Variants in BLTP1 observed in about 807,000 individuals in gnomAD.
BLTP1 encodes the protein bridge-like lipid transfer protein family member 1.
chr4:122,230,023 G>A, the BLTP1 span: 5 of 1,614,138 alleles, frequency 3.1e-6, no homozygotes, highest in Non-Finnish European at 4.2e-6. Context: ...AAGTGAGACA[G>A]TACATTGAGC....
chr4:122,199,214 C>G, the BLTP1 span: 1 of 1,051,054 alleles, frequency 9.5e-7, no homozygotes, highest in South Asian at 2.0e-5. Flanking sequence ...TTAGCAAGCT[C>G]CCTGTCACTG....
the BLTP1 span, among the ~76,000 whole-genome samples, chr4:122,218,050 G>A: frequency 2.0e-5 from 3 of 151,924 alleles, no homozygotes; most frequent in African/African-American, 7.2e-5. Flanking sequence ...CTGTGGTATC[G>A]GTTATAATAT....
the BLTP1 span, chr4:122,234,631 A>C: frequency 2.1e-6 from 2 of 963,708 alleles, no homozygotes; most frequent in Non-Finnish European, 3.0e-6. Context: ...CACAGTGGGA[A>C]TAAACCTTTG....
At chr4:122,198,391 T>C in the BLTP1 span, 3 of 985,348 alleles carry the variant, frequency 3.0e-6, no homozygotes, top group African/African-American at 3.5e-5. Context: ...GCCATACATC[T>C]TTTACAGGTG....
chr4:122,269,413 G>A, the BLTP1 span: 4 of 985,220 alleles, frequency 4.1e-6, no homozygotes, highest in South Asian at 1.9e-4. Flanking sequence ...GAGTGATTCT[G>A]TGAACTTCAT....
chr4:122,337,083 A>C, the BLTP1 span: 1 of 1,395,200 alleles, frequency 7.2e-7, no homozygotes, highest in Non-Finnish European at 1.0e-6. Flanking sequence ...GTTTATTTGA[A>C]CATTTCAACA....
the BLTP1 span, chr4:122,324,308 A>T: frequency 1.0e-6 from 1 of 1,004,946 alleles, no homozygotes; most frequent in African/African-American, 1.7e-5. Flanking sequence ...ATTGTTAAGT[A>T]ACATTAAAGT....
the BLTP1 span, chr4:122,343,614 T>A: frequency 6.2e-7 from 1 of 1,613,334 alleles, no homozygotes; most frequent in Non-Finnish European, 8.5e-7. Flanking sequence ...GGATTAGGTA[T>A]ACTTTGCATG....
At chr4:122,207,867 T>G in the BLTP1 span, 2 of 982,810 alleles carry the variant, frequency 2.0e-6, no homozygotes, top group African/African-American at 3.5e-5. Flanking sequence ...GATTATTTTC[T>G]TAGAGTTCAT....
chr4:122,279,444 C>T, the BLTP1 span, among the ~76,000 whole-genome samples: 4 of 152,200 alleles, frequency 2.6e-5, no homozygotes, highest in African/African-American at 7.2e-5. Context: ...TGCTATAATT[C>T]GCCCAAACTT....
At chr4:122,223,212 A>G in the BLTP1 span, 3 of 922,024 alleles carry the variant, frequency 3.3e-6, no homozygotes, top group Non-Finnish European at 3.9e-6. Flanking sequence ...TTTTAAAAAA[A>G]GTTTCTTATG....
At chr4:122,205,888 G>A in the BLTP1 span, 2 of 941,174 alleles carry the variant, frequency 2.1e-6, no homozygotes, top group Non-Finnish European at 2.5e-6. Context: ...ACACCTCTAG[G>A]AGGAGCCCTT....
the BLTP1 span, chr4:122,175,373 TGAAG>T: frequency 1.8e-6 from 1 of 566,646 alleles, no homozygotes; most frequent in African/African-American, 2.1e-5. Flanking sequence ...TTATGAGAAA[TGAAG>T]GAACATCCTT....
chr4:122,246,328 C>T, the BLTP1 span: 8 of 1,513,620 alleles, frequency 5.3e-6, no homozygotes, highest in African/African-American at 1.1e-4. Flanking sequence ...AAATTTTTTC[C>T]TGAAAGAGGA....
At chr4:122,289,298 T>A in the BLTP1 span, 1 of 859,280 alleles carries the variant, frequency 1.2e-6, no homozygotes, top group Non-Finnish European at 1.7e-6. Flanking sequence ...CATTTGGATA[T>A]AGTTGTCAAA....
chr4:122,184,825 A>C, the BLTP1 span: 1 of 985,380 alleles, frequency 1.0e-6, no homozygotes, highest in African/African-American at 1.7e-5. Context: ...TGTATGACAA[A>C]ACTTAGCCTT....
At chr4:122,200,759 C>T in the BLTP1 span, 3 of 918,984 alleles carry the variant, frequency 3.3e-6, no homozygotes, top group South Asian at 1.5e-4. Context: ...GCAGTATCAA[C>T]ACTGTAGCCT....
the BLTP1 span, chr4:122,167,962 G>A: frequency 4.6e-6 from 4 of 870,666 alleles, no homozygotes; most frequent in Non-Finnish European, 5.5e-6. Context: ...TTAAGGAATT[G>A]GTGATATACT....
the BLTP1 span, chr4:122,235,104 T>TGAATTAA: frequency 8.3e-7 from 1 of 1,206,600 alleles, no homozygotes; most frequent in South Asian, 1.4e-5. Context: ...CAGTGTTAAC[T>TGAATTAA]CTGTTCAACT....
Sources: gnomAD v4.1 joint callset for allele counts (sites outside exome capture counted in the v4.1 genomes callset) on GRCh38, gnomAD v4.1.1 for gene constraint, MANE v1.5 for transcripts, NCBI Gene and HGNC (gene_info 2026-07-23, HGNC 2026-07-21) for gene names.